Variants in AKAP13 observed in about 807,000 individuals in gnomAD.
AKAP13 encodes A-kinase anchoring protein 13, also known as A-kinase anchor protein 13.
Under a neutral mutation model 264.5 loss-of-function variants are expected in AKAP13, and 80 were observed. That is an observed-to-expected ratio of 0.30 (90% CI 0.25 to 0.36). The LOEUF is 0.36. Among genes scored for constraint, AKAP13 ranks in the 10% least tolerant of loss-of-function variants. The probability of loss-of-function intolerance (pLI) is 1.00; values close to 1 mark genes in which losing one functional copy is unlikely to be tolerated. For synonymous variants in AKAP13, 1,380 were observed against 1,250.2 expected (o/e 1.10, Z -2.19); for missense variants, 3,712 against 3,435.2 (o/e 1.08, Z -2.01).
intron 1 of AKAP13, among the ~76,000 whole-genome samples, chr15:85,484,753 C>A (rs4523884): frequency 0.92 from 139,635 of 152,228 alleles, 64,271 homozygotes; most frequent in South Asian, 0.97. Context: ...TTTTCAGTCC[C>A]AACAGTTGGT....
intron 2 of AKAP13, among the ~76,000 whole-genome samples, chr15:85,498,168 A>G (rs2075927174): frequency 6.9e-6 from 1 of 145,072 alleles, no homozygotes; most frequent in Non-Finnish European, 1.5e-5. Flanking sequence ...TTTTTACAAC[A>G]ATGTGTGGTA....
chr15:85,699,510 GAAGA>G (rs1312144648), intron 17 of AKAP13, among the ~76,000 whole-genome samples: 3 of 152,072 alleles, frequency 2.0e-5, no homozygotes, highest in Non-Finnish European at 4.4e-5. Context: ...TTAACAATCT[GAAGA>G]AAGAGAAATA....
intron 1 of AKAP13, among the ~76,000 whole-genome samples, chr15:85,468,766 GC>G (rs890770661): frequency 2.3e-4 from 35 of 151,934 alleles, no homozygotes; most frequent in African/African-American, 8.0e-4. Context: ...CTGTGAAGCT[GC>G]CCCCATTTCA....
intron 7 of AKAP13, among the ~76,000 whole-genome samples, chr15:85,584,330 G>C (rs7173705): frequency 0.62 from 93,596 of 151,992 alleles, 28,975 homozygotes; most frequent in Middle Eastern, 0.72. Context: ...CGTCAAGTGT[G>C]AGTAATCACT....
intron 30 of AKAP13, among the ~76,000 whole-genome samples, chr15:85,732,421 A>G (rs1047155004): frequency 1.3e-5 from 2 of 149,602 alleles, no homozygotes; most frequent in Admixed American, 1.4e-4. Flanking sequence ...AGCTTGGGGA[A>G]AAACATATAT....
At chr15:85,557,022 A>G (rs1401942058) in intron 5 of AKAP13, among the ~76,000 whole-genome samples, 1 of 152,220 alleles carries the variant, frequency 6.6e-6, no homozygotes, top group Non-Finnish European at 1.5e-5. Context: ...GAATATGTGC[A>G]TTTGAAGTGG....
intron 9 of AKAP13, among the ~76,000 whole-genome samples, chr15:85,640,140 T>C (rs1228788699): frequency 6.6e-6 from 1 of 152,216 alleles, no homozygotes; most frequent in Non-Finnish European, 1.5e-5. Flanking sequence ...TGTTCCCTAA[T>C]GTCTGTGTGC....
At chr15:85,738,844 CAAAAAA>C (rs71468137) in intron 33 of AKAP13, among the ~76,000 whole-genome samples, 1 of 72,426 alleles carries the variant, frequency 1.4e-5, no homozygotes, top group South Asian at 4.8e-4. Context: ...GACTCCGTCT[CAAAAAA>C]AAAAAAAAAA....
intron 14 of AKAP13, chr15:85,677,165 G>A (rs2084271247): frequency 4.1e-6 from 4 of 982,448 alleles, no homozygotes; most frequent in Non-Finnish European, 4.8e-6. Context: ...AAATGCTGTA[G>A]GCTTGGTACT....
At chr15:85,620,843 G>A (rs1182647543) in intron 8 of AKAP13, among the ~76,000 whole-genome samples, 1 of 152,164 alleles carries the variant, frequency 6.6e-6, no homozygotes, top group East Asian at 1.9e-4. Flanking sequence ...ACTCTGAATA[G>A]CTAATTGCTC....
At chr15:85,739,542 G>C (rs2088803430) in intron 33 of AKAP13, among the ~76,000 whole-genome samples, 1 of 151,534 alleles carries the variant, frequency 6.6e-6, no homozygotes, top group Non-Finnish European at 1.5e-5. Context: ...TTAGTTCTTT[G>C]CCTTTTAATT....
rs1361451879 is a variant in AKAP13, at chr15:85,579,890, G to A, written c.1822G>A (p.Ala608Thr). Residue 608 changes from alanine to threonine, a missense_variant, in exon 7 of 37, where the codon GCA becomes ACA. Coordinates refer to ENST00000394518, the MANE Select transcript of AKAP13 (RefSeq NM_007200.5). ...TGGATTAGAACCTTATACTCTCTTA[G>A]CAGCAGGCATAGGTGAGGCAATGTC... is the stretch of plus-strand genomic sequence containing the variant. ...SDGLEPYTLL[A>T]AGIGEAMSPS... The A allele has an allele frequency of 6.2e-7, 1 of 1,614,192 alleles. No homozygotes were observed. The highest frequency in any genetic ancestry group is 1.7e-5 in the Admixed American group (1 of 60,030).
intron 8 of AKAP13, among the ~76,000 whole-genome samples, chr15:85,594,514 A>G (rs757437728): frequency 5.6e-4 from 86 of 152,358 alleles, no homozygotes; most frequent in Middle Eastern, 3.4e-3. Flanking sequence ...AGATATATGC[A>G]TTATGTATCA....
At chr15:85,701,901 G>A (rs1322533682) in intron 17 of AKAP13, among the ~76,000 whole-genome samples, 1 of 152,042 alleles carries the variant, frequency 6.6e-6, no homozygotes, top group Non-Finnish European at 1.5e-5. Flanking sequence ...TCAACATCTG[G>A]TGATAGCATT....
intron 1 of AKAP13, among the ~76,000 whole-genome samples, chr15:85,397,175 A>G (rs930478654): frequency 8.5e-5 from 13 of 152,138 alleles, no homozygotes; most frequent in Non-Finnish European, 1.8e-4. Context: ...TGTATTTAAA[A>G]ACAGTGTTGA....
chr15:85,519,518 C>T (rs1325651604), intron 2 of AKAP13, among the ~76,000 whole-genome samples: 1 of 152,152 alleles, frequency 6.6e-6, no homozygotes, highest in Non-Finnish European at 1.5e-5. Flanking sequence ...CTCATACACG[C>T]TGCAAAAACA....
intron 1 of AKAP13, among the ~76,000 whole-genome samples, chr15:85,409,012 AGTC>A (rs1424547602): frequency 1.3e-5 from 2 of 151,722 alleles, no homozygotes; most frequent in Admixed American, 1.3e-4. Context: ...TTGTGACAGT[AGTC>A]ATCTTATAGT....
At chr15:85,400,919 T>G (rs1265176612) in intron 1 of AKAP13, among the ~76,000 whole-genome samples, 1 of 151,410 alleles carries the variant, frequency 6.6e-6, no homozygotes, top group African/African-American at 2.4e-5. Flanking sequence ...TGGGGTGCAG[T>G]GGCACAATCT....
intron 1 of AKAP13, among the ~76,000 whole-genome samples, chr15:85,464,836 A>T (rs371800959): frequency 1.3e-5 from 2 of 152,124 alleles, no homozygotes; most frequent in Non-Finnish European, 2.9e-5. Context: ...TTCTTTTACT[A>T]GTTCTTTAAT....
Sources: allele counts gnomAD v4.1 joint callset (sites outside exome capture counted in the v4.1 genomes callset), GRCh38; gene constraint gnomAD v4.1.1; transcripts MANE v1.5; gene names NCBI Gene and HGNC (gene_info 2026-07-23, HGNC 2026-07-21).